The following SNX8 variants were observed in gnomAD, a reference collection of about 807,000 sequenced individuals.
The protein encoded by SNX8 is sorting nexin 8.
Under a neutral mutation model 51.6 loss-of-function variants are expected in SNX8, and 25 were observed. That is an observed-to-expected ratio of 0.48 (90% CI 0.35 to 0.68). The LOEUF (loss-of-function observed/expected upper bound fraction) is 0.68, where lower values mean the gene tolerates loss of function less well. Among genes scored for constraint, SNX8 ranks in the 30% least tolerant of loss-of-function variants. The probability of loss-of-function intolerance (pLI) is 0.00; values close to 1 mark genes in which losing one functional copy is unlikely to be tolerated. For synonymous variants in SNX8, 324 were observed against 277.0 expected (o/e 1.17, Z -1.68); for missense variants, 695 against 624.0 (o/e 1.11, Z -1.21).
intron 1 of SNX8, among the ~76,000 whole-genome samples, chr7:2,349,182 T>C (rs1779092493): frequency 6.8e-6 from 1 of 147,958 alleles, no homozygotes; most frequent in Admixed American, 6.8e-5. Flanking sequence ...CCAGCCTGGG[T>C]GACAGAGTGA....
At chr7:2,263,020 A>G (rs111677989) in intron 7 of SNX8, among the ~76,000 whole-genome samples, 1 of 152,338 alleles carries the variant, frequency 6.6e-6, no homozygotes, top group African/African-American at 2.4e-5. Context: ...TCAGGAGGCT[A>G]AGGCAGGAGA....
intron 5 of SNX8, among the ~76,000 whole-genome samples, chr7:2,264,736 C>A (rs140220806): frequency 6.6e-6 from 1 of 152,266 alleles, no homozygotes; most frequent in Non-Finnish European, 1.5e-5. Context: ...GAGGACCTAT[C>A]CAAAAACACT....
upstream of SNX8, among the ~76,000 whole-genome samples, chr7:2,317,572 C>G (rs1051988524): frequency 6.6e-6 from 1 of 151,768 alleles, no homozygotes; most frequent in South Asian, 2.1e-4. Context: ...CCACCGTGCC[C>G]GGCCATCCTG....
In SNX8 at chr7:2,254,087, A is replaced by G. The variant is rs1345164767; in HGVS notation, c.*969T>C. The G allele has an allele frequency of 1.3e-5, 2 of 152,440 alleles. No individual in the cohort carries two copies. The highest frequency in any genetic ancestry group is 2.9e-5 in the Non-Finnish European group (2 of 68,244). The allele number at this position is 152,440 out of a possible 1,614,324, so 9.4% of individuals were successfully genotyped here. A position where few individuals can be genotyped will look rare whatever the true frequency, so the allele number is the denominator to read the frequency against. On this transcript the variant is annotated 3_prime_UTR_variant, in exon 11 of 11. Coordinates refer to ENST00000222990, the MANE Select transcript of SNX8 (RefSeq NM_013321.4). ...CATCCAGAGCAGGGAAGGGGCCTGA[A>G]AGACCACTGGTTCCCTCTGTGAGCA...
chr7:2,344,090 G>C (rs1211262517), intron 1 of SNX8, among the ~76,000 whole-genome samples: 1 of 151,024 alleles, frequency 6.6e-6, no homozygotes. Flanking sequence ...TGTAGTCCCA[G>C]CTATTTGGGT....
intron 1 of SNX8, among the ~76,000 whole-genome samples, chr7:2,306,953 G>A (rs762055593): frequency 7.4e-5 from 11 of 148,510 alleles, no homozygotes; most frequent in South Asian, 2.2e-4. Flanking sequence ...GAGTTTCTCC[G>A]GCCCCTACAG....
intron 1 of SNX8, among the ~76,000 whole-genome samples, chr7:2,313,163 T>G (rs1796691696): frequency 6.6e-6 from 1 of 151,890 alleles, no homozygotes; most frequent in Non-Finnish European, 1.5e-5. Flanking sequence ...CCTCCCAAAG[T>G]GCTGAGATTA....
At chr7:2,284,298 G>C (rs552583769) in intron 1 of SNX8, among the ~76,000 whole-genome samples, 110 of 151,678 alleles carry the variant, frequency 7.3e-4, no homozygotes, top group Non-Finnish European at 1.0e-3. Flanking sequence ...GAAAGCCCTT[G>C]TCATAGGGCA....
At chr7:2,298,614 C>G (rs1378319785) in intron 1 of SNX8, among the ~76,000 whole-genome samples, 1 of 151,830 alleles carries the variant, frequency 6.6e-6, no homozygotes, top group Admixed American at 6.6e-5. Flanking sequence ...AGGTGATCCA[C>G]CCGCCTCAGC....
chr7:2,323,926 C>T lies in SNX8; in HGVS notation c.-66+30296G>A, dbSNP rs573057395. 2.0e-5 allele frequency among the ~76,000 whole-genome samples: 3 copies of T among 152,008 alleles called. No individual in the cohort carries two copies. In the East Asian group the frequency reaches 5.8e-4, roughly 29 times the overall value. The stretch of plus-strand genomic sequence containing the variant: ...CCTGAGATCAAGAGTTCGAGACCAG[C>T]CTAGCCAACATGGTAAAACCCCGTC... On this transcript the variant is annotated intron_variant, in intron 1 of 5. Coordinates refer to the SNX8 transcript ENST00000435336.
At chr7:2,326,785 A>G (rs559447928) in intron 1 of SNX8, among the ~76,000 whole-genome samples, 1 of 152,086 alleles carries the variant, frequency 6.6e-6, no homozygotes, top group East Asian at 1.9e-4. Context: ...CACCATATAT[A>G]TTAGTTTCCC....
chr7:2,319,715 T>G (rs934295290), intron 1 of SNX8, among the ~76,000 whole-genome samples: 3 of 151,450 alleles, frequency 2.0e-5, no homozygotes, highest in East Asian at 3.9e-4. Context: ...CTCGGGAGGC[T>G]AAGGCAGGAG....
rs1795071219 is a variant in SNX8, at chr7:2,252,737, C to CTCCTCACCCCTGCCCTCTTGCTT, written c.*2318_*2319insAAGCAAGAGGGCAGGGGTGAGGA. ...CTCTCCTCACCCCTGCCCTCTTGCT[C>CTCCTCACCCCTGCCCTCTTGCTT]TCTCCTCACCCCTGCCCTCCTGCTC... On this transcript the variant is annotated 3_prime_UTR_variant, in exon 11 of 11. Coordinates refer to ENST00000222990, the MANE Select transcript of SNX8 (RefSeq NM_013321.4). The CTCCTCACCCCTGCCCTCTTGCTT allele has an allele frequency of 8.4e-6, 1 of 118,886 alleles. No individual in the cohort carries two copies. Among genetic ancestry groups the CTCCTCACCCCTGCCCTCTTGCTT allele is most frequent in the African/African-American group, 3.7e-5 (1 of 27,270 alleles). The allele number at this position is 118,886 out of a possible 1,614,324, so 7.4% of individuals were successfully genotyped here.
chr7:2,276,253 G>A, intron 2 of SNX8, among the ~76,000 whole-genome samples: 1 of 152,190 alleles, frequency 6.6e-6, no homozygotes, highest in East Asian at 1.9e-4. Flanking sequence ...GGCCCCAGAA[G>A]GAAGGGGTGG....
intron 1 of SNX8, among the ~76,000 whole-genome samples, chr7:2,350,643 C>G (rs1779118823): frequency 6.6e-6 from 1 of 152,034 alleles, no homozygotes; most frequent in South Asian, 2.1e-4. Flanking sequence ...TCCCCCATCT[C>G]TAAAAACAAT....
chr7:2,255,152 G>A lies in SNX8; in HGVS notation c.1302C>T (p.Asn434=), dbSNP rs373187532. ...QGHKEMSKVW[N]DLRPKLSCLF... is the part of the protein sequence containing the mutation. ...GGCAGCTGAGCTTGGGCCTCAGGTC[G>A]TTCCACACCTTGCTCATCTGAAAGG... Residue 434 remains asparagine (N), a synonymous_variant, in exon 11 of 11, where the codon AAC becomes AAT. Transcript: ENST00000222990. 4.0e-5 allele frequency: 62 copies of A among 1,557,376 alleles called. 1 individual carries two copies. In the South Asian group the frequency reaches 5.3e-4, roughly 13 times the overall value.
intron 1 of SNX8, among the ~76,000 whole-genome samples, chr7:2,344,647 G>T (rs1583127541): frequency 6.8e-6 from 1 of 147,318 alleles, no homozygotes; most frequent in East Asian, 2.0e-4. Context: ...GGCTGGGTGT[G>T]GTGGCTCACA....
At chr7:2,315,446 A>G (rs901795840), upstream of SNX8, among the ~76,000 whole-genome samples, 3 of 146,690 alleles carry the variant, frequency 2.0e-5, no homozygotes, top group Admixed American at 1.4e-4. Flanking sequence ...CCACTCACTC[A>G]TGCACTGCAT....
At chr7:2,278,338 T>A (rs776936972) in intron 1 of SNX8, 33 bp from the exon 2 acceptor site, 3 of 1,350,536 alleles carry the variant, frequency 2.2e-6, no homozygotes, top group Non-Finnish European at 3.1e-6. Context: ...CCAGTGAGAA[T>A]AGCTGCTCAA....
Sources: gnomAD v4.1 joint callset for allele counts (sites outside exome capture counted in the v4.1 genomes callset) on GRCh38, gnomAD v4.1.1 for gene constraint, MANE v1.5 for transcripts, NCBI Gene and HGNC (gene_info 2026-07-23, HGNC 2026-07-21) for gene names.